ARFIP1: variants seen among roughly 807,000 people sequenced by gnomAD.
The protein encoded by ARFIP1 is arfaptin-1.
ARFIP1 carries 24 observed loss-of-function variants against 42.5 expected under a neutral mutation model. The observed-to-expected ratio is 0.57, with a 90% CI of 0.41 to 0.80. The LOEUF (loss-of-function observed/expected upper bound fraction) is 0.80, where lower values mean the gene tolerates loss of function less well. Among genes scored for constraint, ARFIP1 ranks in the 30% least tolerant of loss-of-function variants. The probability of loss-of-function intolerance (pLI) is 0.00; values close to 1 mark genes in which losing one functional copy is unlikely to be tolerated. For missense variants in ARFIP1, 354 were observed against 434.0 expected, an observed-to-expected ratio of 0.82 and a Z score of 1.64; for synonymous variants, 141 against 153.7, an observed-to-expected ratio of 0.92 and a Z score of 0.61.
intron 1 of ARFIP1, among the ~76,000 whole-genome samples, chr4:152,816,780 G>A (rs1729922750): frequency 6.6e-6 from 1 of 152,218 alleles, no homozygotes; most frequent in Admixed American, 6.5e-5. Context: ...ATGTGTGAGT[G>A]AGCAATCACC....
chr4:152,824,210 G>A (rs1446349707), intron 1 of ARFIP1, among the ~76,000 whole-genome samples: 2 of 151,884 alleles, frequency 1.3e-5, no homozygotes, highest in African/African-American at 4.8e-5. Flanking sequence ...CTACTCGGGA[G>A]GCTGAGGCAG....
At chr4:152,849,732 T>A (rs1159500195) in intron 2 of ARFIP1, among the ~76,000 whole-genome samples, 3 of 152,178 alleles carry the variant, frequency 2.0e-5, no homozygotes, top group African/African-American at 7.2e-5. Flanking sequence ...AGATTTACTC[T>A]CTTGATTAGA....
At chr4:152,796,145 C>A (rs1033980966) in intron 1 of ARFIP1, 31 of 747,674 alleles carry the variant, frequency 4.1e-5, no homozygotes, top group African/African-American at 3.1e-4. Context: ...ATAACTTTGC[C>A]TCCCTGTGTC....
intron 8 of ARFIP1, among the ~76,000 whole-genome samples, chr4:152,907,411 A>C (rs1738452760): frequency 6.6e-6 from 1 of 152,216 alleles, no homozygotes. Context: ...ATAACAAAAA[A>C]AGCAGCCATG....
intron 1 of ARFIP1, among the ~76,000 whole-genome samples, chr4:152,790,315 T>G (rs1230423447): frequency 6.6e-6 from 1 of 152,218 alleles, no homozygotes; most frequent in East Asian, 1.9e-4. Flanking sequence ...CTGTTTGATC[T>G]TTGAATGAAA....
chr4:152,907,025 T>C (rs572083191), intron 8 of ARFIP1, among the ~76,000 whole-genome samples: 2 of 152,220 alleles, frequency 1.3e-5, no homozygotes, highest in Non-Finnish European at 2.9e-5. Context: ...CATTCCACAT[T>C]GCTGCTTTAT....
chr4:152,892,875 A>G (rs1219802836), intron 8 of ARFIP1, among the ~76,000 whole-genome samples: 1 of 152,238 alleles, frequency 6.6e-6, no homozygotes, highest in African/African-American at 2.4e-5. Context: ...TGAGTTGTGT[A>G]GCAGTAAAGA....
intron 2 of ARFIP1, among the ~76,000 whole-genome samples, chr4:152,862,615 A>T (rs1478600899): frequency 6.6e-6 from 1 of 152,200 alleles, no homozygotes; most frequent in Non-Finnish European, 1.5e-5. Context: ...AACTACGATC[A>T]GTCTAAAAAT....
At chr4:152,870,441 C>T (rs1244930248) in intron 3 of ARFIP1, among the ~76,000 whole-genome samples, 1 of 152,182 alleles carries the variant, frequency 6.6e-6, no homozygotes, top group Non-Finnish European at 1.5e-5. Flanking sequence ...ACTGTATTCA[C>T]ATTCTGTTAA....
rs1187863750 is a variant in ARFIP1, at chr4:152,870,807, G to T, written c.257G>T (p.Ser86Ile). ...ATGTCTCCTAGCAGGGTTGCAGCTA[G>T]TCGACTGGCTCAGCAAGGAAGTGAT... Reference protein sequence around the residue: ...SVMSPSRVAASRLAQQGSDLI... With the variant: ...SVMSPSRVAAIRLAQQGSDLI... The change falls in exon 4 of 9, where the codon AGT (serine) becomes ATT (isoleucine). Residue 86 changes from serine to isoleucine, a missense_variant. Coordinates refer to ENST00000353617, the MANE Select transcript of ARFIP1 (RefSeq NM_001025595.3). 1 of 1,613,996 alleles carries T rather than the reference G, an allele frequency of 6.2e-7. No individual in the cohort carries two copies. Among genetic ancestry groups the T allele is most frequent in the Non-Finnish European group, 8.5e-7 (1 of 1,179,994 alleles).
intron 1 of ARFIP1, among the ~76,000 whole-genome samples, chr4:152,799,737 G>T (rs1325099886): frequency 6.6e-6 from 1 of 152,136 alleles, no homozygotes; most frequent in African/African-American, 2.4e-5. Flanking sequence ...AATCTATCCT[G>T]TTGAGAGATG....
chr4:152,900,185 A>G (rs1411773922), intron 8 of ARFIP1, among the ~76,000 whole-genome samples: 2 of 152,120 alleles, frequency 1.3e-5, no homozygotes, highest in East Asian at 3.8e-4. Flanking sequence ...GGAGGGATCA[A>G]AGGGCGGGAA....
At chr4:152,893,200 G>A (rs907387340) in intron 8 of ARFIP1, among the ~76,000 whole-genome samples, 1 of 152,274 alleles carries the variant, frequency 6.6e-6, no homozygotes, top group Non-Finnish European at 1.5e-5. Context: ...AATTAGAGGC[G>A]CACTACAGGG....
intron 3 of ARFIP1, among the ~76,000 whole-genome samples, chr4:152,865,835 T>C (rs1485009082): frequency 1.3e-5 from 2 of 152,274 alleles, no homozygotes; most frequent in African/African-American, 4.8e-5. Flanking sequence ...AATGTCAACA[T>C]AGAATAAAAA....
chr4:152,835,077 C>T (rs1731544325), intron 2 of ARFIP1, among the ~76,000 whole-genome samples: 1 of 152,156 alleles, frequency 6.6e-6, no homozygotes, highest in African/African-American at 2.4e-5. Flanking sequence ...TTCTGAAATG[C>T]CCTTTAAGGC....
At chr4:152,828,297 A>T (rs1171175943) in intron 1 of ARFIP1, among the ~76,000 whole-genome samples, 1 of 152,250 alleles carries the variant, frequency 6.6e-6, no homozygotes, top group Non-Finnish European at 1.5e-5. Context: ...ACTCTGTTTC[A>T]TAGTGGCTGT....
chr4:152,817,770 C>T (rs530911951), intron 1 of ARFIP1, among the ~76,000 whole-genome samples: 1 of 152,148 alleles, frequency 6.6e-6, no homozygotes, highest in African/African-American at 2.4e-5. Context: ...AACCCCCTAA[C>T]AACCCAATTT....
chr4:152,877,331 G>A (rs1375359200), intron 5 of ARFIP1, among the ~76,000 whole-genome samples: 1 of 152,180 alleles, frequency 6.6e-6, no homozygotes, highest in Non-Finnish European at 1.5e-5. Flanking sequence ...GAGACCTGGA[G>A]ATCATTTTGG....
At chr4:152,808,029 G>A (rs1578841325) in intron 1 of ARFIP1, among the ~76,000 whole-genome samples, 1 of 151,968 alleles carries the variant, frequency 6.6e-6, no homozygotes, top group Non-Finnish European at 1.5e-5. Context: ...TGCCCAGGCC[G>A]GAGTGCAGTG....
Sources: allele counts gnomAD v4.1 joint callset (sites outside exome capture counted in the v4.1 genomes callset), GRCh38; gene constraint gnomAD v4.1.1; transcripts MANE v1.5; gene names NCBI Gene and HGNC (gene_info 2026-07-23, HGNC 2026-07-21).